The following NEMP2 variants were observed in gnomAD, a reference collection of about 807,000 sequenced individuals.
The protein encoded by NEMP2 is nuclear envelope integral membrane protein 2, also known as UPF0571 transmembrane protein.
NEMP2 carries 53 observed loss-of-function variants against 54.2 expected under a neutral mutation model. The ratio of observed to expected loss-of-function variants is 0.98; its 90% CI spans 0.78 to 1.23. The LOEUF is 1.23. NEMP2 is among the 50% of genes most tolerant of loss of function. The probability of loss-of-function intolerance (pLI) is 0.00; values close to 1 mark genes in which losing one functional copy is unlikely to be tolerated. For synonymous variants in NEMP2, 197 were observed against 190.3 expected, an observed-to-expected ratio of 1.04 and a Z score of -0.29; for missense variants, 455 against 511.3, an observed-to-expected ratio of 0.89 and a Z score of 1.06.
the NEMP2 span, among the ~76,000 whole-genome samples, chr2:190,634,907 G>A: frequency 4.4e-3 from 669 of 152,338 alleles, 3 homozygotes; most frequent in African/African-American, 0.015. This position sits in a 1 kb window ranked among gnomAD's most constrained non-coding sequence, Gnocchi z 6.8. Context: ...GTGGCAGGGA[G>A]AGACAGGACT....
chr2:190,445,030 C>G, the NEMP2 span: 1 of 193,892 alleles, frequency 5.2e-6, no homozygotes, highest in Non-Finnish European at 9.4e-6. Flanking sequence ...TGAAGTCTTG[C>G]ACCCTTCAGA....
At chr2:190,605,314 C>T in the NEMP2 span, among the ~76,000 whole-genome samples, 1 of 147,036 alleles carries the variant, frequency 6.8e-6, no homozygotes, top group Non-Finnish European at 1.5e-5. Context: ...GACCCCAACT[C>T]CTTTGCTTGT....
intron 2 of NEMP2, among the ~76,000 whole-genome samples, chr2:190,524,023 C>A (rs1450362435): frequency 6.8e-6 from 1 of 147,730 alleles, no homozygotes; most frequent in Non-Finnish European, 1.5e-5. Context: ...GGCAACATGG[C>A]AAAACCCCAT....
the NEMP2 span, among the ~76,000 whole-genome samples, chr2:190,430,710 G>A: frequency 8.4e-6 from 1 of 118,668 alleles, no homozygotes; most frequent in East Asian, 3.1e-4. Flanking sequence ...CGTTCTCAAT[G>A]AGCTGTTGGG....
At chr2:190,432,045 A>G in the NEMP2 span, among the ~76,000 whole-genome samples, 1 of 152,038 alleles carries the variant, frequency 6.6e-6, no homozygotes, top group African/African-American at 2.4e-5. Context: ...TCTGTTTTTC[A>G]TGTAACAGAC....
At chr2:190,648,743 C>A in the NEMP2 span, among the ~76,000 whole-genome samples, 1 of 151,122 alleles carries the variant, frequency 6.6e-6, no homozygotes, top group Non-Finnish European at 1.5e-5. Flanking sequence ...TCGCGGGAGC[C>A]GCCCACTCCC....
At chr2:190,544,463 G>A in the NEMP2 span, among the ~76,000 whole-genome samples, 1 of 152,114 alleles carries the variant, frequency 6.6e-6, no homozygotes, top group South Asian at 2.1e-4. Context: ...GTTGAGAGAT[G>A]TGGAATTTTT....
At chr2:190,477,206 A>G in the NEMP2 span, 2 of 950,618 alleles carry the variant, frequency 2.1e-6, no homozygotes, top group Non-Finnish European at 2.5e-6. Flanking sequence ...AAGTATAATA[A>G]TAATAATAAC....
the NEMP2 span, among the ~76,000 whole-genome samples, chr2:190,444,546 G>T: frequency 1.3e-5 from 2 of 152,226 alleles, no homozygotes; most frequent in Non-Finnish European, 2.9e-5. Flanking sequence ...TTTCTTTTTA[G>T]TGTAGGGGAG....
Position 190,509,430 on chromosome 2 carries a change from G to C in NEMP2, c.1131-118C>G. ...TTAAATTTGACTTTGCATCAATACA[G>C]GGTGGCATTTACACAGTGGGTGTAA... On this transcript the variant is annotated intron_variant, in intron 8 of 8. Coordinates refer to ENST00000409150, the MANE Select transcript of NEMP2 (RefSeq NM_001142645.2). The surrounding 1 kb of genome is among the most constrained non-coding windows in gnomAD (Gnocchi z 6.1). 1.7e-6 allele frequency: 2 copies of C among 1,181,320 alleles called. 1 individual carries two copies. Among genetic ancestry groups the C allele is most frequent in the South Asian group, 2.7e-5 (2 of 73,548 alleles). The allele number at this position is 1,181,320 out of a possible 1,614,324, so 73.2% of individuals were successfully genotyped here.
chr2:190,570,422 C>T, the NEMP2 span, among the ~76,000 whole-genome samples: 4 of 152,294 alleles, frequency 2.6e-5, no homozygotes, highest in East Asian at 5.8e-4. This position sits in a 1 kb window ranked among gnomAD's most constrained non-coding sequence, Gnocchi z 5.4. Flanking sequence ...AAAAAGAACT[C>T]TGGAGAAAGC....
chr2:190,637,621 A>G, the NEMP2 span, among the ~76,000 whole-genome samples: 43 of 152,216 alleles, frequency 2.8e-4, no homozygotes, highest in South Asian at 8.3e-4. This position sits in a 1 kb window ranked among gnomAD's most constrained non-coding sequence, Gnocchi z 4.5. Context: ...GCACTTCCTG[A>G]GTCTATTAAT....
the NEMP2 span, chr2:190,497,434 T>C: frequency 1.2e-6 from 2 of 1,612,110 alleles, no homozygotes; most frequent in Non-Finnish European, 1.7e-6. The surrounding 1 kb of genome is among the most constrained non-coding windows in gnomAD (Gnocchi z 5.2). Context: ...TTCTTTTCTC[T>C]CCAGACAAGA....
the NEMP2 span, chr2:190,497,862 T>G: frequency 2.0e-3 from 1,958 of 962,012 alleles, 18 homozygotes; most frequent in African/African-American, 0.028. The surrounding 1 kb of genome is among the most constrained non-coding windows in gnomAD (Gnocchi z 5.2). Flanking sequence ...ATTTCAGTAC[T>G]CTGTGAGCAC....
At chr2:190,488,750 A>G in the NEMP2 span, 2 of 1,610,542 alleles carry the variant, frequency 1.2e-6, no homozygotes, top group Non-Finnish European at 1.7e-6. This position sits in a 1 kb window ranked among gnomAD's most constrained non-coding sequence, Gnocchi z 6.4. Context: ...GGCATCCTGC[A>G]GGGCCTTCAC....
At chr2:190,424,342 T>A in the NEMP2 span, among the ~76,000 whole-genome samples, 2 of 152,116 alleles carry the variant, frequency 1.3e-5, no homozygotes, top group Non-Finnish European at 2.9e-5. The surrounding 1 kb of genome is among the most constrained non-coding windows in gnomAD (Gnocchi z 5.9). Flanking sequence ...GTTATTTATT[T>A]ATTTTTTTTT....
chr2:190,493,459 G>A, the NEMP2 span, among the ~76,000 whole-genome samples: 3 of 152,262 alleles, frequency 2.0e-5, no homozygotes, highest in African/African-American at 7.2e-5. Flanking sequence ...TCCACTGACA[G>A]CACTAGACAG....
chr2:190,481,046 A>G, the NEMP2 span, among the ~76,000 whole-genome samples: 1 of 152,244 alleles, frequency 6.6e-6, no homozygotes, highest in Admixed American at 6.5e-5. Flanking sequence ...TAATAAAGTT[A>G]TCTTTGAGGA....
At chr2:190,619,719 T>C in the NEMP2 span, among the ~76,000 whole-genome samples, 810 of 152,220 alleles carry the variant, frequency 5.3e-3, 10 homozygotes, top group African/African-American at 0.019. The surrounding 1 kb of genome is among the most constrained non-coding windows in gnomAD (Gnocchi z 5.5). Flanking sequence ...CATTCTGCTA[T>C]CTAAGGGACA....
Sources: gnomAD v4.1 joint callset for allele counts (sites outside exome capture counted in the v4.1 genomes callset) on GRCh38, gnomAD v4.1.1 for gene constraint, Gnocchi (gnomAD v3.1) non-coding constraint, MANE v1.5 for transcripts, NCBI Gene and HGNC (gene_info 2026-07-23, HGNC 2026-07-21) for gene names.